Variants in NREP observed in about 807,000 individuals in gnomAD.
NREP encodes the protein neuronal regeneration-related protein.
In NREP, 5 loss-of-function variants were observed where a neutral mutation model predicts 8.6. The ratio of observed to expected loss-of-function variants is 0.58; its 90% CI spans 0.30 to 1.22. NREP has a LOEUF of 1.22. Ranked by LOEUF, NREP falls within the 50% of genes most tolerant of loss-of-function variation. The pLI is 0.07. For synonymous variants in NREP, 27 were observed against 28.0 expected (o/e 0.96, Z 0.11); for missense variants, 86 against 82.5 (o/e 1.04, Z -0.17).
chr5:111,798,863 G>A (rs1373275520), intron 2 of NREP, among the ~76,000 whole-genome samples: 1 of 151,776 alleles, frequency 6.6e-6, no homozygotes, highest in African/African-American at 2.4e-5. Flanking sequence ...TTTTGCAAAT[G>A]CAAATTGTGC....
chr5:111,871,965 G>A (rs1236043710), intron 2 of NREP, among the ~76,000 whole-genome samples: 2 of 149,468 alleles, frequency 1.3e-5, no homozygotes, highest in East Asian at 1.9e-4. Context: ...ATATATGTGT[G>A]CTTACCATAT....
At chr5:111,762,506 G>A (rs1750983990), upstream of NREP, among the ~76,000 whole-genome samples, 1 of 150,664 alleles carries the variant, frequency 6.6e-6, no homozygotes, top group Non-Finnish European at 1.5e-5. Flanking sequence ...CAGTACCTCA[G>A]AATGTGACTG....
At chr5:111,758,602 T>C (rs528662361), upstream of NREP, among the ~76,000 whole-genome samples, 25 of 152,190 alleles carry the variant, frequency 1.6e-4, no homozygotes, top group African/African-American at 6.0e-4. Flanking sequence ...AAAAAAGATA[T>C]AAAGGATCAT....
intron 2 of NREP, among the ~76,000 whole-genome samples, chr5:111,888,069 T>C (rs1016485671): frequency 6.6e-6 from 1 of 152,190 alleles, no homozygotes; most frequent in African/African-American, 2.4e-5. Flanking sequence ...TAGAATGGGA[T>C]CCTGAAGGCT....
At chr5:111,976,632 G>A (rs1380914662) in intron 1 of NREP, 3 of 1,246,120 alleles carry the variant, frequency 2.4e-6, no homozygotes, top group Non-Finnish European at 3.4e-6. Flanking sequence ...GTGAGGCAGA[G>A]ACAAACATCC....
intron 2 of NREP, among the ~76,000 whole-genome samples, chr5:111,834,947 C>T (rs1752858388): frequency 6.6e-6 from 1 of 152,294 alleles, no homozygotes; most frequent in South Asian, 2.1e-4. Flanking sequence ...TTTCTTTGCA[C>T]ATGTAAGCAA....
At chr5:111,949,936 T>C (rs1756106097) in intron 2 of NREP, among the ~76,000 whole-genome samples, 1 of 152,080 alleles carries the variant, frequency 6.6e-6, no homozygotes, top group South Asian at 2.1e-4. Flanking sequence ...ATCGTTTGGG[T>C]GTATACCCAG....
At chr5:111,816,522 CTAACTTA>C (rs1477709459) in intron 2 of NREP, among the ~76,000 whole-genome samples, 1 of 151,996 alleles carries the variant, frequency 6.6e-6, no homozygotes, top group Non-Finnish European at 1.5e-5. Context: ...ACTAAAATTA[CTAACTTA>C]TCTTAGAGTC....
intron 2 of NREP, among the ~76,000 whole-genome samples, chr5:111,839,309 G>C (rs1271355458): frequency 6.6e-6 from 1 of 152,232 alleles, no homozygotes; most frequent in Middle Eastern, 3.4e-3. Context: ...TGCTTCCAGA[G>C]CATGAAGGGC....
intron 2 of NREP, among the ~76,000 whole-genome samples, chr5:111,770,004 T>G (rs1467089279): frequency 3.9e-5 from 6 of 152,178 alleles, no homozygotes; most frequent in African/African-American, 1.2e-4. Flanking sequence ...CCTGAAGATG[T>G]TCAAGAGATA....
chr5:111,976,618 G>C, intron 1 of NREP: 1 of 1,010,466 alleles, frequency 9.9e-7, no homozygotes, highest in Admixed American at 2.3e-5. Context: ...AAATGGAGAG[G>C]TCAGTGAGGC....
intron 2 of NREP, among the ~76,000 whole-genome samples, chr5:111,921,843 C>T (rs1036624673): frequency 1.3e-5 from 2 of 152,098 alleles, no homozygotes; most frequent in Admixed American, 1.3e-4. Flanking sequence ...GTGCTATTCT[C>T]ATGACAGTGA....
chr5:111,745,600 T>C (rs1389498197), intron 2 of NREP, among the ~76,000 whole-genome samples: 1 of 152,184 alleles, frequency 6.6e-6, no homozygotes, highest in Non-Finnish European at 1.5e-5. Context: ...TAGCTTTCTC[T>C]TTCATCAACT....
At chr5:111,889,590 T>A (rs78266873) in intron 2 of NREP, among the ~76,000 whole-genome samples, 2,948 of 152,298 alleles carry the variant, frequency 0.019, 46 homozygotes, top group Non-Finnish European at 0.027. Flanking sequence ...CAGCATTAAC[T>A]CAAAAGTCCC....
At chr5:111,929,154 C>T (rs1051869179) in intron 2 of NREP, among the ~76,000 whole-genome samples, 2 of 152,078 alleles carry the variant, frequency 1.3e-5, no homozygotes, top group Admixed American at 1.3e-4. Context: ...ACATTGAATT[C>T]TACTGTCTTT....
rs1238284639 is a variant in NREP at position 111,843,924 on chromosome 5, G to A, written c.136-108417C>T. 1.3e-5 allele frequency among the ~76,000 whole-genome samples: 2 copies of A among 152,166 alleles called. 1 individual carries two copies. The highest frequency in any genetic ancestry group is 3.9e-4 in the East Asian group (2 of 5,192). Reference sequence around the variant, plus strand: ...CCACTAAACAAAATAAATCTGAACAGCCTAAGTTATTTAGTTAACAAAGAT... The same window carrying A: ...CCACTAAACAAAATAAATCTGAACAACCTAAGTTATTTAGTTAACAAAGAT... On this transcript the variant is annotated intron_variant, in intron 2 of 3. Coordinates refer to the NREP transcript ENST00000395634.
At chr5:111,901,336 G>A (rs994198753) in intron 2 of NREP, among the ~76,000 whole-genome samples, 1 of 151,976 alleles carries the variant, frequency 6.6e-6, no homozygotes, top group African/African-American at 2.4e-5. Context: ...AGGCATCAAA[G>A]GAAGCTGATA....
chr5:111,730,078 A>C lies in NREP; in HGVS notation c.*843T>G, dbSNP rs915461682. 1 of 152,518 alleles carries C rather than the reference A, an allele frequency of 6.6e-6. No individual in the cohort carries two copies. Among genetic ancestry groups the C allele is most frequent in the Non-Finnish European group, 1.5e-5 (1 of 68,028 alleles). The allele number at this position is 152,518 out of a possible 1,614,324, so 9.4% of individuals were successfully genotyped here. Reference sequence around the variant, plus strand: ...GGCAGGCGAGGCTACGGAAAGGAAGAGATTTGGTAAGTAAATTACAGTTTT... The same window carrying C: ...GGCAGGCGAGGCTACGGAAAGGAAGCGATTTGGTAAGTAAATTACAGTTTT... On this transcript the variant is annotated 3_prime_UTR_variant, in exon 4 of 4. Coordinates refer to ENST00000257435, the MANE Select transcript of NREP (RefSeq NM_004772.4).
chr5:111,794,160 C>T (rs1248638177), intron 2 of NREP, among the ~76,000 whole-genome samples: 2 of 152,210 alleles, frequency 1.3e-5, no homozygotes, highest in African/African-American at 4.8e-5. Context: ...ATCTAAAACA[C>T]TGACAACATC....
Sources: gnomAD v4.1 joint callset for allele counts (sites outside exome capture counted in the v4.1 genomes callset) on GRCh38, gnomAD v4.1.1 for gene constraint, MANE v1.5 for transcripts, NCBI Gene and HGNC (gene_info 2026-07-23, HGNC 2026-07-21) for gene names.